Variants in SIPA1L1 observed in about 807,000 individuals in gnomAD.
SIPA1L1 encodes the protein signal-induced proliferation-associated 1-like protein 1.
Under a neutral mutation model 162.7 loss-of-function variants are expected in SIPA1L1, and 26 were observed. The ratio of observed to expected loss-of-function variants is 0.16; its 90% CI spans 0.12 to 0.22. SIPA1L1 has a LOEUF of 0.22. Among genes scored for constraint, SIPA1L1 ranks in the 10% least tolerant of loss-of-function variants. The pLI, the probability that SIPA1L1 is intolerant of heterozygous loss-of-function variation, is 1.00. For synonymous variants in SIPA1L1, 829 were observed against 837.4 expected (o/e 0.99, Z 0.17); for missense variants, 1,874 against 2,241.0 (o/e 0.84, Z 3.31).
At chr14:71,416,301 A>T (rs1167544847) in intron 2 of SIPA1L1, 1 of 152,186 alleles carries the variant, frequency 6.6e-6, no homozygotes. Context: ...AATATCAAGA[A>T]CTGATGGATC....
intron 2 of SIPA1L1, among the ~76,000 whole-genome samples, chr14:71,452,986 C>CA (rs1195150027): frequency 6.6e-6 from 1 of 152,154 alleles, no homozygotes; most frequent in Non-Finnish European, 1.5e-5. Context: ...TTATGGTAAT[C>CA]ACTAATAGAT....
chr14:71,351,122 G>T (rs1430097774), intron 2 of SIPA1L1, among the ~76,000 whole-genome samples: 1 of 152,180 alleles, frequency 6.6e-6, no homozygotes, highest in Non-Finnish European at 1.5e-5. Context: ...AGGTGAAATT[G>T]GTTGTAGGGG....
intron 2 of SIPA1L1, among the ~76,000 whole-genome samples, chr14:71,418,907 T>C (rs1286965978): frequency 6.6e-6 from 1 of 152,214 alleles, no homozygotes; most frequent in African/African-American, 2.4e-5. Context: ...TTGGAAAAGA[T>C]TTTTAATAAG....
At chr14:71,628,834 A>C (rs757186504) in intron 7 of SIPA1L1, among the ~76,000 whole-genome samples, 1 of 152,196 alleles carries the variant, frequency 6.6e-6, no homozygotes, top group African/African-American at 2.4e-5. Flanking sequence ...TACTCAGAAC[A>C]ATAAGAACGA....
intron 7 of SIPA1L1, among the ~76,000 whole-genome samples, chr14:71,635,215 A>G (rs1438320057): frequency 2.0e-5 from 3 of 150,290 alleles, no homozygotes; most frequent in Non-Finnish European, 4.4e-5. Context: ...GGAGGTGGAC[A>G]TTGCAGTAAG....
intron 16 of SIPA1L1, 132 bp from the exon 17 acceptor site, chr14:71,709,090 G>A (rs956172541): frequency 2.4e-5 from 16 of 674,648 alleles, no homozygotes; most frequent in Non-Finnish European, 3.7e-5. Context: ...CTGTCTTACT[G>A]TGACTAGTCA....
At chr14:71,396,957 A>G (rs2041254673) in intron 2 of SIPA1L1, among the ~76,000 whole-genome samples, 1 of 152,140 alleles carries the variant, frequency 6.6e-6, no homozygotes, top group South Asian at 2.1e-4. Flanking sequence ...GACAAATTTA[A>G]ATTATTTACT....
At chr14:71,577,979 C>T (rs557118435) in intron 4 of SIPA1L1, among the ~76,000 whole-genome samples, 26 of 152,194 alleles carry the variant, frequency 1.7e-4, no homozygotes, top group African/African-American at 6.0e-4. Context: ...GGTGCGATCT[C>T]GCCTCACTGC....
chr14:71,503,815 T>G (rs1004827795), intron 2 of SIPA1L1: 3 of 152,126 alleles, frequency 2.0e-5, no homozygotes, highest in African/African-American at 7.2e-5. Context: ...TATTTTTATT[T>G]TTTTTGAGAC....
In SIPA1L1 at chr14:71,709,655, C is replaced by T; in HGVS notation, c.4199C>T (p.Ser1400Phe). 6.2e-7 allele frequency: 1 copy of T among 1,611,320 alleles called. No individual in the cohort carries two copies. The highest frequency in any genetic ancestry group is 8.5e-7 in the Non-Finnish European group (1 of 1,178,116). The change falls in exon 17 of 24, where the codon TCC (serine) becomes TTC (phenylalanine). Residue 1400 changes from serine (S) to phenylalanine (F), a missense_variant. Physicochemically the swap from Ser to Phe is radical, Grantham distance 155. Transcript: ENST00000381232. ...NSTFSINDAA[S>F]HTSTMSSRHS... ...ACCTTCAGTATAAACGATGCTGCTT[C>T]CCACACAAGGTAACCACCCTTCCCC...
Position 71,382,488 on chromosome 14 carries a change from T to G in SIPA1L1, c.-465+61307T>G, listed in dbSNP as rs956508787. Among the ~76,000 whole-genome samples, 6 of 152,292 alleles carry G rather than the reference T, an allele frequency of 3.9e-5. No homozygotes were observed. The South Asian group carries it at 1.0e-3, about 26-fold the overall frequency. On this transcript the variant is annotated intron_variant, in intron 2 of 23. Coordinates refer to ENST00000381232, the MANE Select transcript of SIPA1L1 (RefSeq NM_001386936.1). ...TTTACATTAGAACTTGTTCAGAGAA[T>G]TAAGAAGGAAGGAGAGAGATTCGTT...
chr14:71,697,120 T>G (rs1392766490), intron 13 of SIPA1L1, among the ~76,000 whole-genome samples: 3 of 152,078 alleles, frequency 2.0e-5, no homozygotes, highest in Non-Finnish European at 4.4e-5. Flanking sequence ...TGAATAGGCT[T>G]TTAGCAGTCT....
intron 4 of SIPA1L1, among the ~76,000 whole-genome samples, chr14:71,542,752 T>C (rs1195527349): frequency 1.4e-3 from 204 of 146,106 alleles, no homozygotes; most frequent in Non-Finnish European, 2.5e-3. Flanking sequence ...TCTCTCTCTT[T>C]TTTTTTTTTT....
chr14:71,535,264 A>C (rs1393901046), intron 4 of SIPA1L1, among the ~76,000 whole-genome samples: 1 of 152,178 alleles, frequency 6.6e-6, no homozygotes, highest in Non-Finnish European at 1.5e-5. Context: ...TCTAAACTGG[A>C]AGTATTTATT....
At chr14:71,483,992 G>A (rs1567087531) in intron 2 of SIPA1L1, among the ~76,000 whole-genome samples, 1 of 152,192 alleles carries the variant, frequency 6.6e-6, no homozygotes, top group Non-Finnish European at 1.5e-5. Flanking sequence ...TCTGTACGAT[G>A]TTTGTCTGTT....
At chr14:71,400,026 TG>T (rs2041543528) in intron 2 of SIPA1L1, among the ~76,000 whole-genome samples, 1 of 151,860 alleles carries the variant, frequency 6.6e-6, no homozygotes, top group African/African-American at 2.4e-5. Context: ...GATTTCACCA[TG>T]TTGCCCAGGC....
chr14:71,689,511 A>ATAC (rs997770995), intron 13 of SIPA1L1, among the ~76,000 whole-genome samples: 5 of 152,368 alleles, frequency 3.3e-5, no homozygotes, highest in Admixed American at 3.3e-4. Context: ...GCTGAACTTG[A>ATAC]TACATTACTG....
intron 7 of SIPA1L1, among the ~76,000 whole-genome samples, chr14:71,626,464 G>A (rs556826624): frequency 4.6e-4 from 70 of 152,240 alleles, no homozygotes; most frequent in Non-Finnish European, 9.3e-4. Context: ...GCATACTTAG[G>A]CTTTTAGTCT....
chr14:71,668,481 C>A (rs1221266041), intron 10 of SIPA1L1, among the ~76,000 whole-genome samples: 1 of 152,192 alleles, frequency 6.6e-6, no homozygotes, highest in Admixed American at 6.5e-5. Flanking sequence ...AAACAAGACA[C>A]CTTCCTGGTC....
Sources: gnomAD v4.1 joint callset for allele counts (sites outside exome capture counted in the v4.1 genomes callset) on GRCh38, gnomAD v4.1.1 for gene constraint, MANE v1.5 for transcripts, NCBI Gene and HGNC (gene_info 2026-07-23, HGNC 2026-07-21) for gene names.